The following LRRFIP1 variants were observed in gnomAD, a reference collection of about 807,000 sequenced individuals.
The protein encoded by LRRFIP1 is leucine-rich repeat flightless-interacting protein 1.
LRRFIP1 carries 62 observed loss-of-function variants against 104.4 expected under a neutral mutation model. The ratio of observed to expected loss-of-function variants is 0.59; its 90% CI spans 0.48 to 0.73. LRRFIP1 has a LOEUF of 0.73. Among genes scored for constraint, LRRFIP1 ranks in the 30% least tolerant of loss-of-function variants. The pLI is 0.00. For synonymous variants in LRRFIP1, 300 were observed against 299.0 expected, an observed-to-expected ratio of 1.00 and a Z score of -0.03; for missense variants, 796 against 824.5, an observed-to-expected ratio of 0.97 and a Z score of 0.42.
chr2:237,721,044 C>A, intron 6 of LRRFIP1: 1 of 498,950 alleles, frequency 2.0e-6, no homozygotes. Context: ...TTCTTTCTCC[C>A]GAGATGAAGT....
chr2:237,758,172 G>A lies in LRRFIP1; in HGVS notation c.1225-557G>A, dbSNP rs148434202. ...AGATACCTGCACAAACCATCGGCAC[G>A]TTGACTCAAGCCACACTGTGTTTCC... On this transcript the variant is annotated intron_variant, in intron 17 of 23. Transcript: ENST00000308482. 2.9e-3 allele frequency among the ~76,000 whole-genome samples: 395 copies of A among 137,584 alleles called. 1 individual carries two copies. Among genetic ancestry groups the A allele is most frequent in the African/African-American group, 9.7e-3 (352 of 36,152 alleles). 90.3% of individuals were successfully genotyped at this position (137,584 alleles called of 152,430 possible). A position where few individuals can be genotyped will look rare whatever the true frequency, so the allele number is the denominator to read the frequency against.
chr2:237,681,963 A>C (rs1575434805), intron 1 of LRRFIP1, among the ~76,000 whole-genome samples: 1 of 152,048 alleles, frequency 6.6e-6, no homozygotes, highest in Non-Finnish European at 1.5e-5. Flanking sequence ...AATTGTGTTC[A>C]TCTGAGGACT....
At chr2:237,778,927 A>C (rs2061319943) in intron 23 of LRRFIP1, among the ~76,000 whole-genome samples, 1 of 150,848 alleles carries the variant, frequency 6.6e-6, no homozygotes, top group Non-Finnish European at 1.5e-5. Context: ...AAAAAAAAAA[A>C]CAAACAAAAA....
intron 7 of LRRFIP1, among the ~76,000 whole-genome samples, chr2:237,724,764 G>C (rs759956547): frequency 4.2e-4 from 64 of 152,002 alleles, no homozygotes; most frequent in Admixed American, 8.5e-4. Flanking sequence ...GCCCCCAGTG[G>C]GATAAATGTA....
At chr2:237,714,128 C>T in intron 2 of LRRFIP1, 131 bp from the exon 3 acceptor site, 1 of 581,580 alleles carries the variant, frequency 1.7e-6, no homozygotes, top group Middle Eastern at 4.9e-4. Flanking sequence ...CACCTGTTTT[C>T]TTATTCACAT....
chr2:237,660,506 C>G (rs1245117543), intron 1 of LRRFIP1, among the ~76,000 whole-genome samples: 1 of 151,122 alleles, frequency 6.6e-6, no homozygotes, highest in Non-Finnish European at 1.5e-5. Context: ...CAGCAGCTAT[C>G]TCTGCAGAGT....
At chr2:237,662,879 C>T (rs1486224526) in intron 1 of LRRFIP1, among the ~76,000 whole-genome samples, 3 of 152,112 alleles carry the variant, frequency 2.0e-5, no homozygotes, top group African/African-American at 4.8e-5. Context: ...GTTGCCATGA[C>T]GGCACCCAGG....
Position 237,743,872 on chromosome 2 carries a change from T to A in LRRFIP1, c.634-4492T>A, listed in dbSNP as rs560889616. On this transcript the variant is annotated intron_variant, in intron 11 of 23. Transcript: ENST00000308482. ...ACCTAGTGAAGCCAACAGATCTGGG[T>A]CATCCAGGCCCCAAAATCTCACTGG... Among the ~76,000 whole-genome samples, 7 of 152,226 alleles carry A rather than the reference T, an allele frequency of 4.6e-5. No individual in the cohort carries two copies. In the South Asian group the frequency reaches 1.5e-3, roughly 32 times the overall value.
At chr2:237,695,260 T>G (rs1036408795) in intron 1 of LRRFIP1, among the ~76,000 whole-genome samples, 4 of 152,166 alleles carry the variant, frequency 2.6e-5, no homozygotes, top group African/African-American at 9.7e-5. Flanking sequence ...TCAGCCTGAG[T>G]TAATATCCCA....
chr2:237,764,203 A>G (rs2060124291), intron 19 of LRRFIP1: 9 of 1,613,744 alleles, frequency 5.6e-6, no homozygotes, highest in South Asian at 3.3e-5. Flanking sequence ...TTTTCTCTCC[A>G]CTGCCAATGT....
chr2:237,688,136 C>A (rs1266307821), intron 1 of LRRFIP1, among the ~76,000 whole-genome samples: 2 of 152,194 alleles, frequency 1.3e-5, no homozygotes, highest in Non-Finnish European at 2.9e-5. Flanking sequence ...CAGAGGAAGA[C>A]AAAGTTATAT....
intron 1 of LRRFIP1, among the ~76,000 whole-genome samples, chr2:237,704,992 A>T (rs1450554624): frequency 6.6e-6 from 1 of 152,086 alleles, no homozygotes; most frequent in African/African-American, 2.4e-5. Flanking sequence ...GTGGGCCATG[A>T]TGGGAACCTT....
intron 1 of LRRFIP1, among the ~76,000 whole-genome samples, chr2:237,694,367 A>G (rs1421723252): frequency 6.6e-6 from 1 of 152,098 alleles, no homozygotes; most frequent in African/African-American, 2.4e-5. Flanking sequence ...ACTGTATCAG[A>G]GTGAGACATG....
intron 1 of LRRFIP1, among the ~76,000 whole-genome samples, chr2:237,660,855 A>G (rs2087783678): frequency 7.7e-6 from 1 of 129,652 alleles, no homozygotes; most frequent in Admixed American, 7.8e-5. Flanking sequence ...CTGTGGCAGA[A>G]AAAGGGAGAA....
chr2:237,765,742 T>TTGTAAA (rs2060216886), intron 19 of LRRFIP1: 18 of 950,024 alleles, frequency 1.9e-5, no homozygotes, highest in Non-Finnish European at 2.3e-5. Context: ...AATTGTAAAA[T>TTGTAAA]ATAAAATCAC....
At chr2:237,728,482 G>T (rs1339569464) in intron 8 of LRRFIP1, among the ~76,000 whole-genome samples, 2 of 151,628 alleles carry the variant, frequency 1.3e-5, no homozygotes, top group Non-Finnish European at 2.9e-5. Context: ...GCTGCTCTAG[G>T]GGGAGAGAGA....
intron 23 of LRRFIP1, among the ~76,000 whole-genome samples, chr2:237,775,559 C>T (rs1371789498): frequency 1.3e-5 from 2 of 152,184 alleles, no homozygotes; most frequent in East Asian, 1.9e-4. Context: ...GGGCCGGGCG[C>T]GGTGGCTCAC....
At chr2:237,762,364 C>T (rs980835676) in intron 19 of LRRFIP1, among the ~76,000 whole-genome samples, 14 of 152,190 alleles carry the variant, frequency 9.2e-5, no homozygotes, top group African/African-American at 2.7e-4. Flanking sequence ...CACAAGATGG[C>T]ACCAGCAGCC....
intron 1 of LRRFIP1, among the ~76,000 whole-genome samples, chr2:237,673,170 T>C (rs911030703): frequency 4.6e-5 from 7 of 152,056 alleles, no homozygotes; most frequent in African/African-American, 1.7e-4. Flanking sequence ...CTTTATACAC[T>C]GTTTCAGTGA....
Sources: allele counts gnomAD v4.1 joint callset (sites outside exome capture counted in the v4.1 genomes callset), GRCh38; gene constraint gnomAD v4.1.1; transcripts MANE v1.5; gene names NCBI Gene and HGNC (gene_info 2026-07-23, HGNC 2026-07-21).